Variants in ITSN2 observed in about 807,000 individuals in gnomAD.
ITSN2 encodes the protein intersectin-2.
ITSN2 carries 156 observed loss-of-function variants against 243.7 expected under a neutral mutation model. The ratio of observed to expected loss-of-function variants is 0.64; its 90% CI spans 0.56 to 0.73. ITSN2 has a LOEUF of 0.73. Ranked by LOEUF, ITSN2 falls within the 30% of genes least tolerant of loss-of-function variation. ITSN2 has a pLI of 0.00. For missense variants in ITSN2, 1,801 were observed against 1,996.1 expected (o/e 0.90, Z 1.86); for synonymous variants, 703 against 699.9 (o/e 1.00, Z -0.07).
chr2:24,341,183 A>G (rs755079755), intron 1 of ITSN2, among the ~76,000 whole-genome samples: 1 of 152,206 alleles, frequency 6.6e-6, no homozygotes, highest in Non-Finnish European at 1.5e-5. Context: ...GAATCTAGAT[A>G]TTAGATTTGA....
At chr2:24,292,642 A>G (rs1386773197) in intron 15 of ITSN2, among the ~76,000 whole-genome samples, 1 of 152,190 alleles carries the variant, frequency 6.6e-6, no homozygotes, top group Non-Finnish European at 1.5e-5. Flanking sequence ...CAAGTTAAAG[A>G]CCTAGGAATG....
chr2:24,341,705 GTC>G (rs979403366), intron 1 of ITSN2, among the ~76,000 whole-genome samples: 1 of 152,128 alleles, frequency 6.6e-6, no homozygotes, highest in Non-Finnish European at 1.5e-5. Flanking sequence ...GTGAAACCCT[GTC>G]TCTATTAAAA....
chr2:24,329,767 A>T (rs1685571184), intron 1 of ITSN2, among the ~76,000 whole-genome samples: 1 of 152,238 alleles, frequency 6.6e-6, no homozygotes, highest in Non-Finnish European at 1.5e-5. Flanking sequence ...ATATTTGCAC[A>T]GCCATTTTAA....
chr2:24,335,931 C>G (rs979022748), intron 1 of ITSN2, among the ~76,000 whole-genome samples: 1 of 151,844 alleles, frequency 6.6e-6, no homozygotes, highest in African/African-American at 2.4e-5. Context: ...CACGCCCAGC[C>G]CAGTGCTCTG....
In ITSN2 at chr2:24,315,019, A is replaced by G; in HGVS notation, c.124+113T>C. 8.5e-6 allele frequency: 4 copies of G among 468,792 alleles called. No individual in the cohort carries two copies. In the South Asian group the frequency reaches 2.1e-4, roughly 25 times the overall value. The allele number at this position is 468,792 out of a possible 1,614,324, so 29.0% of individuals were successfully genotyped here. The stretch of plus-strand genomic sequence containing the variant: ...TCTTTAATTTCTAGAATTCTGATTG[A>G]TATGAATTTTATCGTTTATTAACAC... On this transcript the variant is annotated intron_variant, in intron 3 of 39. Transcript: ENST00000355123.
intron 29 of ITSN2, among the ~76,000 whole-genome samples, chr2:24,227,571 A>C (rs1173758740): frequency 1.3e-5 from 2 of 152,216 alleles, no homozygotes; most frequent in Non-Finnish European, 2.9e-5. Context: ...CATCCTAGGA[A>C]TTAGTAAACC....
intron 2 of ITSN2, among the ~76,000 whole-genome samples, chr2:24,316,931 G>A (rs1683996098): frequency 6.6e-6 from 1 of 152,142 alleles, no homozygotes; most frequent in Admixed American, 6.5e-5. Context: ...ACCCACGAAG[G>A]CCTAGTGATT....
chr2:24,326,822 T>A (rs2151833904), intron 2 of ITSN2: 1 of 168,760 alleles, frequency 5.9e-6, no homozygotes, highest in Non-Finnish European at 1.5e-5. Context: ...TCCTGAGACA[T>A]AAAACTTTAG....
rs1338002545 is a variant in ITSN2, at chr2:24,211,060, G to A, written c.4090-113C>T. 3.1e-6 allele frequency: 3 copies of A among 975,246 alleles called. No individual in the cohort carries two copies. The highest frequency in any genetic ancestry group is 2.6e-5 in the East Asian group (1 of 38,858). The allele number at this position is 975,246 out of a possible 1,614,324, so 60.4% of individuals were successfully genotyped here. A position where few individuals can be genotyped will look rare whatever the true frequency, so the allele number is the denominator to read the frequency against. ...TGTTATGGACTGCTTCCATGCCCTG[G>A]AAACGCGGCGGTGAACAAGACGACA... On this transcript the variant is annotated intron_variant, in intron 33 of 39. Coordinates refer to ENST00000355123, the MANE Select transcript of ITSN2 (RefSeq NM_006277.3). This position sits in a 1 kb window ranked among gnomAD's most constrained non-coding sequence, Gnocchi z 4.1.
intron 23 of ITSN2, 111 bp downstream of exon 23, chr2:24,257,777 C>G: frequency 1.1e-6 from 1 of 889,416 alleles, no homozygotes; most frequent in East Asian, 2.5e-5. Flanking sequence ...TTCTGATATT[C>G]AAACTCAAGT....
intron 1 of ITSN2, among the ~76,000 whole-genome samples, chr2:24,340,876 A>T (rs536027400): frequency 2.0e-5 from 3 of 152,310 alleles, no homozygotes; most frequent in Admixed American, 6.5e-5. Context: ...CATATAAAAA[A>T]ATATATAAGA....
intron 37 of ITSN2, among the ~76,000 whole-genome samples, chr2:24,207,631 G>A (rs561608469): frequency 1.1e-3 from 173 of 152,154 alleles, no homozygotes; most frequent in African/African-American, 3.9e-3. Context: ...CCAGAGGGAA[G>A]GCAGCGCCTC....
In ITSN2 at chr2:24,249,342, A is replaced by G. The variant is rs1003616201; in HGVS notation, c.3121-460T>C. On this transcript the variant is annotated intron_variant, in intron 25 of 39. Coordinates refer to ENST00000355123, the MANE Select transcript of ITSN2 (RefSeq NM_006277.3). The surrounding 1 kb of genome is among the most constrained non-coding windows in gnomAD (Gnocchi z 4.4). ...AACAGGAGACAATGTTTTTATTTTT[A>G]TTTATTTTACCATCCTCCCCCCAAA... 6.6e-6 allele frequency among the ~76,000 whole-genome samples: 1 copy of G among 152,100 alleles called. No homozygotes were observed. The highest frequency in any genetic ancestry group is 1.5e-5 in the Non-Finnish European group (1 of 67,990).
At chr2:24,324,932 G>C (rs1684998542) in intron 2 of ITSN2, among the ~76,000 whole-genome samples, 1 of 148,486 alleles carries the variant, frequency 6.7e-6, no homozygotes, top group African/African-American at 2.5e-5. Flanking sequence ...GACTCTACCA[G>C]CCAAGAAAAT....
At chr2:24,207,010 T>C (rs759916333) in intron 37 of ITSN2, among the ~76,000 whole-genome samples, 9 of 151,888 alleles carry the variant, frequency 5.9e-5, no homozygotes, top group Non-Finnish European at 1.3e-4. Context: ...ACTAGGCAGC[T>C]GGATGGGCCG....
chr2:24,282,469 G>A (rs1302156264), intron 17 of ITSN2, among the ~76,000 whole-genome samples: 2 of 152,168 alleles, frequency 1.3e-5, no homozygotes, highest in Non-Finnish European at 2.9e-5. Flanking sequence ...AATTCTTCCA[G>A]TACACCAAGG....
At chr2:24,260,507 T>C (rs957701008) in intron 22 of ITSN2, among the ~76,000 whole-genome samples, 6 of 151,300 alleles carry the variant, frequency 4.0e-5, no homozygotes, top group Non-Finnish European at 7.4e-5. Context: ...CATCTTCTTA[T>C]TATAATAACT....
chr2:24,206,240 A>G (rs993073902), intron 37 of ITSN2: 18 of 421,202 alleles, frequency 4.3e-5, no homozygotes, highest in Non-Finnish European at 9.5e-6. Context: ...TGTTTTAAAC[A>G]TACCTTTTAG....
Position 24,211,086 on chromosome 2 carries a change from C to T in ITSN2, c.4090-139G>A. On this transcript the variant is annotated intron_variant, in intron 33 of 39. Transcript: ENST00000355123. The surrounding 1 kb of genome is among the most constrained non-coding windows in gnomAD (Gnocchi z 4.1). ...AAACGCGGCGGTGAACAAGACGACA[C>T]TTTCCGCCCTTGAGAAACTCGTACT... is the stretch of plus-strand genomic sequence containing the variant. The T allele has an allele frequency of 1.4e-6, 1 of 730,794 alleles. No homozygotes were observed. The highest frequency in any genetic ancestry group is 2.2e-6 in the Non-Finnish European group (1 of 445,892). 45.3% of individuals were successfully genotyped at this position (730,794 alleles called of 1,614,324 possible).
Sources: gnomAD v4.1 joint callset for allele counts (sites outside exome capture counted in the v4.1 genomes callset) on GRCh38, gnomAD v4.1.1 for gene constraint, Gnocchi (gnomAD v3.1) non-coding constraint, MANE v1.5 for transcripts, NCBI Gene and HGNC (gene_info 2026-07-23, HGNC 2026-07-21) for gene names.